Variants in TNRC6A observed in about 807,000 individuals in gnomAD.
The protein encoded by TNRC6A is trinucleotide repeat containing adaptor 6A, also known as trinucleotide repeat-containing gene 6A protein.
A neutral mutation model predicts 221.2 loss-of-function variants in TNRC6A; 44 were observed. The observed-to-expected ratio is 0.20, with a 90% CI of 0.16 to 0.26. The LOEUF is 0.26. TNRC6A is among the 10% of genes least tolerant of loss of function. The pLI is 1.00. For synonymous variants in TNRC6A, 847 were observed against 838.5 expected, an observed-to-expected ratio of 1.01 and a Z score of -0.18; for missense variants, 2,199 against 2,404.4, an observed-to-expected ratio of 0.91 and a Z score of 1.79.
At chr16:24,711,609 T>A (rs927146307) in intron 2 of TNRC6A, among the ~76,000 whole-genome samples, 4 of 152,106 alleles carry the variant, frequency 2.6e-5, no homozygotes, top group Admixed American at 2.6e-4. Context: ...GGAGTCTGGG[T>A]TCTTTCTCTC....
chr16:24,649,738 C>T (rs1033093623), intron 2 of TNRC6A, among the ~76,000 whole-genome samples: 3 of 151,816 alleles, frequency 2.0e-5, no homozygotes, highest in Non-Finnish European at 4.4e-5. Flanking sequence ...CTTATTCCTC[C>T]AGTCTAACTG....
rs189649412 is a variant in TNRC6A, at chr16:24,741,400, C to T, written c.54-9326C>T. ...TGTGTCTCTTGAAATCATCATGTAG[C>T]TTTGTCCTTCATTCTATTAACATGG... On this transcript the variant is annotated intron_variant, in intron 2 of 24. Transcript: ENST00000395799. 4.8e-4 allele frequency among the ~76,000 whole-genome samples: 73 copies of T among 152,134 alleles called. 1 individual carries two copies. The highest frequency in any genetic ancestry group is 1.5e-5 in the Non-Finnish European group (1 of 68,026).
At chr16:24,772,589 A>C (rs1225400423) in intron 4 of TNRC6A, among the ~76,000 whole-genome samples, 1 of 152,124 alleles carries the variant, frequency 6.6e-6, no homozygotes, top group East Asian at 1.9e-4. Flanking sequence ...GTTCGAGACC[A>C]GCCTGGCCAA....
At chr16:24,627,660 A>T (rs1901092582) in intron 1 of TNRC6A, among the ~76,000 whole-genome samples, 1 of 141,730 alleles carries the variant, frequency 7.1e-6, no homozygotes, top group African/African-American at 2.6e-5. Flanking sequence ...ACAACTTCTG[A>T]TCTGCTAACA....
At chr16:24,812,687 G>A (rs2058571114) in intron 18 of TNRC6A, among the ~76,000 whole-genome samples, 1 of 152,114 alleles carries the variant, frequency 6.6e-6, no homozygotes, top group Admixed American at 6.5e-5. Flanking sequence ...GCTCTGCTGT[G>A]TAGTGGGCTC....
intron 1 of TNRC6A, among the ~76,000 whole-genome samples, chr16:24,614,105 C>G (rs547935827): frequency 6.6e-6 from 1 of 152,120 alleles, no homozygotes; most frequent in Non-Finnish European, 1.5e-5. Flanking sequence ...GATGATCTCA[C>G]CCAGGTGTCT....
chr16:24,746,990 C>T (rs569206505), intron 2 of TNRC6A, among the ~76,000 whole-genome samples: 12 of 152,262 alleles, frequency 7.9e-5, no homozygotes, highest in Admixed American at 5.2e-4. Flanking sequence ...CGGCCAGAAA[C>T]GCATTCTTGA....
At chr16:24,625,440 C>A (rs1018809125) in intron 1 of TNRC6A, among the ~76,000 whole-genome samples, 7 of 152,062 alleles carry the variant, frequency 4.6e-5, no homozygotes, top group African/African-American at 1.7e-4. Context: ...GGTGAAACCC[C>A]GTCTCTACTA....
chr16:24,620,997 T>C (rs1395079901), intron 1 of TNRC6A, among the ~76,000 whole-genome samples: 4 of 149,204 alleles, frequency 2.7e-5, no homozygotes, highest in Admixed American at 2.0e-4. Flanking sequence ...GGCAGGAGAA[T>C]TGCTTGAACC....
chr16:24,748,963 C>T (rs2057075481), intron 2 of TNRC6A, among the ~76,000 whole-genome samples: 3 of 152,156 alleles, frequency 2.0e-5, no homozygotes, highest in Admixed American at 2.0e-4. Context: ...CAAGCTCCAC[C>T]TCCCAGTTTC....
intron 18 of TNRC6A, among the ~76,000 whole-genome samples, chr16:24,814,425 T>C (rs1259678307): frequency 2.0e-5 from 3 of 148,162 alleles, no homozygotes; most frequent in Non-Finnish European, 4.5e-5. Flanking sequence ...TTTTTTTTTT[T>C]TGGAGACGGA....
chr16:24,692,748 C>CAT (rs1258005438), intron 2 of TNRC6A, among the ~76,000 whole-genome samples: 2 of 151,518 alleles, frequency 1.3e-5, no homozygotes, highest in Non-Finnish European at 2.9e-5. Flanking sequence ...ATATATTATA[C>CAT]ATATATATAT....
In TNRC6A at chr16:24,823,056, A is replaced by G; in HGVS notation, c.5513+43A>G. On this transcript the variant is annotated intron_variant, in intron 24 of 24. Coordinates refer to ENST00000395799, the MANE Select transcript of TNRC6A (RefSeq NM_014494.4). The surrounding 1 kb of genome is among the most constrained non-coding windows in gnomAD (Gnocchi z 4.3). ...CTCCCAGTTGGAAGAGTCTAGGGGA[A>G]GGAGTGTGAGAGCACAGCCTGACCC... The G allele has an allele frequency of 5.0e-6, 8 of 1,613,380 alleles. No individual in the cohort carries two copies. Among genetic ancestry groups the G allele is most frequent in the Middle Eastern group, 1.7e-4 (1 of 6,048 alleles).
At chr16:24,767,913 CTA>C (rs1254236994) in intron 4 of TNRC6A, among the ~76,000 whole-genome samples, 2 of 152,134 alleles carry the variant, frequency 1.3e-5, no homozygotes, top group African/African-American at 4.8e-5. Context: ...CTGAAGCTCT[CTA>C]GAGATTGCTA....
chr16:24,818,665 A>G lies in TNRC6A; in HGVS notation c.5045A>G (p.Asn1682Ser), dbSNP rs1343458814. The G allele has an allele frequency of 6.2e-7, 1 of 1,613,816 alleles. No individual in the cohort carries two copies. The highest frequency in any genetic ancestry group is 1.3e-5 in the African/African-American group (1 of 74,834). ...TCATCCATTCGTGCCTCCAACTACA[A>G]CGTTCCCCTCAGCAGTACAGCACAA... ...AWSSIRASNY[N>S]VPLSSTAQST... The change falls in exon 21 of 25, where the codon AAC (asparagine) becomes AGC (serine). Residue 1682 changes from asparagine to serine, a missense_variant. Asn to Ser is a conservative substitution (Grantham distance 46). This residue lies in a region of TNRC6A where 449 missense variants were observed against 579.7 expected (regional missense o/e 0.77). Transcript: ENST00000395799.
chr16:24,620,762 C>A (rs372496447), intron 1 of TNRC6A, among the ~76,000 whole-genome samples: 1 of 151,682 alleles, frequency 6.6e-6, no homozygotes, highest in African/African-American at 2.4e-5. Flanking sequence ...GAGCCGAGAT[C>A]GTGCCATTGC....
At position 24,823,473 on chromosome 16, in the gene TNRC6A, G is replaced by A. The variant is rs1440985672; in HGVS notation, c.5555G>A (p.Ser1852Asn). The change falls in exon 25 of 25, where the codon AGT becomes AAT. Residue 1852 changes from serine (S) to asparagine (N), a missense_variant. Ser to Asn is a conservative substitution (Grantham distance 46). This residue lies in a region of TNRC6A where 20 missense variants were observed against 25.6 expected (regional missense o/e 0.78). Transcript: ENST00000395799. This position sits in a 1 kb window ranked among gnomAD's most constrained non-coding sequence, Gnocchi z 4.3. ...ACTACTATTCTTGCTGAGTTTGCCA[G>A]TGAAGAGGAGATCAGTCGTTTCTTT... Reference protein sequence around the residue: ...GNTTILAEFASEEEISRFFAQ... With the variant: ...GNTTILAEFANEEEISRFFAQ... 10 of 1,614,066 alleles carry A rather than the reference G, an allele frequency of 6.2e-6. No homozygotes were observed. The South Asian group carries it at 9.9e-5, about 16-fold the overall frequency.
At chr16:24,794,501 T>G in intron 7 of TNRC6A, 43 bp from the exon 8 acceptor site, 1 of 1,572,998 alleles carries the variant, frequency 6.4e-7, no homozygotes, top group Non-Finnish European at 8.6e-7. Flanking sequence ...AGGAATTCTT[T>G]TATTAAAGTA....
chr16:24,772,407 C>T (rs1037818869), intron 4 of TNRC6A, among the ~76,000 whole-genome samples: 1 of 151,544 alleles, frequency 6.6e-6, no homozygotes, highest in Non-Finnish European at 1.5e-5. Context: ...TGCAAGACTT[C>T]GGGAGGCAGA....
Sources: allele counts gnomAD v4.1 joint callset (sites outside exome capture counted in the v4.1 genomes callset), GRCh38; gene constraint gnomAD v4.1.1; regional missense constraint gnomAD v4.1.1; non-coding constraint Gnocchi (gnomAD v3.1); transcripts MANE v1.5; gene names NCBI Gene and HGNC (gene_info 2026-07-23, HGNC 2026-07-21).